The following LOC400499 variants were observed in gnomAD, a reference collection of about 807,000 sequenced individuals.
chr16:11,502,788 G>A, the LOC400499 span, among the ~76,000 whole-genome samples: 1 of 150,922 alleles, frequency 6.6e-6, no homozygotes, highest in Admixed American at 6.6e-5. Context: ...CTTATTTTTT[G>A]TATTTTTAGT....
At chr16:11,407,249 G>A in the LOC400499 span, 1 of 398,940 alleles carries the variant, frequency 2.5e-6, no homozygotes, top group Non-Finnish European at 4.4e-6. Flanking sequence ...ACCGGCCTTA[G>A]CAGCTACCTG....
chr16:11,510,851 C>G, the LOC400499 span, among the ~76,000 whole-genome samples: 2 of 151,746 alleles, frequency 1.3e-5, no homozygotes, highest in Non-Finnish European at 2.9e-5. Flanking sequence ...CCAGGGCCAT[C>G]TGAGCCCAGC....
chr16:11,407,934 A>G, the LOC400499 span, among the ~76,000 whole-genome samples: 1 of 150,040 alleles, frequency 6.7e-6, no homozygotes, highest in East Asian at 2.0e-4. Flanking sequence ...CTTAAAACCT[A>G]CAAAAATGGA....
At chr16:11,441,038 G>T in the LOC400499 span, 1 of 399,078 alleles carries the variant, frequency 2.5e-6, no homozygotes, top group African/African-American at 2.1e-5. Context: ...CAACTTTCCG[G>T]TGGACTTTCA....
chr16:11,408,311 G>C, the LOC400499 span, among the ~76,000 whole-genome samples: 1 of 152,102 alleles, frequency 6.6e-6, no homozygotes, highest in Non-Finnish European at 1.5e-5. Flanking sequence ...GCGCTCACTA[G>C]AGGCGTCATT....
the LOC400499 span, among the ~76,000 whole-genome samples, chr16:11,519,774 T>C: frequency 3.0e-4 from 46 of 151,858 alleles, 1 homozygote; most frequent in Middle Eastern, 6.8e-3. Context: ...GGCGCGATCT[T>C]GGCTCACAGC....
At chr16:11,459,477 T>C in the LOC400499 span, among the ~76,000 whole-genome samples, 3 of 152,140 alleles carry the variant, frequency 2.0e-5, no homozygotes, top group African/African-American at 7.2e-5. Flanking sequence ...ATTACAGGCA[T>C]GAGCCACTGC....
At chr16:11,384,268 A>AACATCAGCTCATTGCCTG in the LOC400499 span, 1 of 1,232,244 alleles carries the variant, frequency 8.1e-7, no homozygotes, top group Admixed American at 4.2e-5. Flanking sequence ...GCCATCCGGC[A>AACATCAGCTCATTGCCTG]ACATCAGCTC....
the LOC400499 span, among the ~76,000 whole-genome samples, chr16:11,481,899 T>A: frequency 6.6e-6 from 1 of 152,290 alleles, no homozygotes; most frequent in East Asian, 1.9e-4. Flanking sequence ...CCTCCCAAAG[T>A]GCTGGGATTA....
the LOC400499 span, among the ~76,000 whole-genome samples, chr16:11,453,214 GA>G: frequency 1.3e-5 from 2 of 152,162 alleles, no homozygotes; most frequent in African/African-American, 2.4e-5. Flanking sequence ...AAGGAGAATA[GA>G]TTTTTTTAAA....
At chr16:11,381,947 A>AT in the LOC400499 span, among the ~76,000 whole-genome samples, 63,009 of 147,484 alleles carry the variant, frequency 0.43, 13,499 homozygotes, top group Non-Finnish European at 0.47. Context: ...TCATTCTGGA[A>AT]TTTTTTTTTT....
chr16:11,441,185 G>A, the LOC400499 span: 2 of 397,840 alleles, frequency 5.0e-6, no homozygotes, highest in Admixed American at 8.8e-5. Flanking sequence ...TCCAAAGATT[G>A]ATGGGTTATG....
the LOC400499 span, among the ~76,000 whole-genome samples, chr16:11,498,207 G>A: frequency 8.5e-5 from 13 of 152,312 alleles, no homozygotes; most frequent in East Asian, 2.5e-3. Flanking sequence ...AAGGCCGGGC[G>A]CAGTGACTCA....
the LOC400499 span, among the ~76,000 whole-genome samples, chr16:11,440,185 C>T: frequency 1.8e-4 from 28 of 152,242 alleles, no homozygotes; most frequent in Non-Finnish European, 3.2e-4. Flanking sequence ...GGAATGAACA[C>T]GTCCACGGAT....
At chr16:11,449,179 C>T in the LOC400499 span, 1 of 1,270,252 alleles carries the variant, frequency 7.9e-7, no homozygotes, top group Non-Finnish European at 1.0e-6. Flanking sequence ...ACCCTTTCAT[C>T]TCTTTCCTGC....
chr16:11,450,823 G>T, the LOC400499 span: 69 of 1,524,994 alleles, frequency 4.5e-5, no homozygotes, highest in East Asian at 1.1e-3. Flanking sequence ...CAAGGCTCCT[G>T]CAAGCAACAA....
chr16:11,403,362 A>G, the LOC400499 span, among the ~76,000 whole-genome samples: 1 of 152,158 alleles, frequency 6.6e-6, no homozygotes, highest in Non-Finnish European at 1.5e-5. Context: ...AACACTGTCA[A>G]CACCGTGTGG....
chr16:11,453,989 C>A, the LOC400499 span, among the ~76,000 whole-genome samples: 4 of 152,202 alleles, frequency 2.6e-5, no homozygotes, highest in East Asian at 7.7e-4. Context: ...AATTGAAACA[C>A]CCTATGCTAA....
chr16:11,386,356 T>A, the LOC400499 span, among the ~76,000 whole-genome samples: 2 of 152,220 alleles, frequency 1.3e-5, no homozygotes, highest in Non-Finnish European at 2.9e-5. Flanking sequence ...ACCAGCCCCG[T>A]GGGCAGCTGT....
Sources: gnomAD v4.1 joint callset for allele counts (sites outside exome capture counted in the v4.1 genomes callset) on GRCh38, gnomAD v4.1.1 for gene constraint, MANE v1.5 for transcripts.